Variants in IRAG2 observed in about 807,000 individuals in gnomAD.
IRAG2 encodes lymphoid restricted membrane protein.
IRAG2 carries 45 observed loss-of-function variants against 69.9 expected under a neutral mutation model. The ratio of observed to expected loss-of-function variants is 0.64; its 90% CI spans 0.51 to 0.83. IRAG2 has a LOEUF of 0.83. IRAG2 is among the 40% of genes least tolerant of loss of function. The pLI, the probability that IRAG2 is intolerant of heterozygous loss-of-function variation, is 0.00. For missense variants in IRAG2, 520 were observed against 587.0 expected (o/e 0.89, Z 1.18); for synonymous variants, 193 against 202.4 (o/e 0.95, Z 0.40).
intron 6 of IRAG2, among the ~76,000 whole-genome samples, chr12:25,077,220 A>AAT (rs10627418): frequency 0.27 from 9,717 of 36,486 alleles, 2,006 homozygotes; most frequent in East Asian, 0.39. Context: ...ATATATATGA[A>AAT]ATATATATGA....
intron 1 of IRAG2, among the ~76,000 whole-genome samples, chr12:25,053,159 C>A (rs1199395112): frequency 2.0e-5 from 3 of 151,828 alleles, no homozygotes; most frequent in East Asian, 3.9e-4. Context: ...CATTAACTTC[C>A]CTTTTTGCCT....
chr12:25,066,692 T>C (rs1233834186), intron 5 of IRAG2, among the ~76,000 whole-genome samples, 180 bp downstream of exon 5: 1 of 151,172 alleles, frequency 6.6e-6, no homozygotes, highest in African/African-American at 2.4e-5. Flanking sequence ...AGATGGAATC[T>C]CGCTCTCTTG....
At chr12:25,020,807 T>G in exon 7 of IRAG2, 1 of 1,231,576 alleles carries the variant, frequency 8.1e-7, no homozygotes, top group Middle Eastern at 3.1e-4. Flanking sequence ...CAGGCTATTA[T>G]GAGAACAAAT....
intron 6 of IRAG2, among the ~76,000 whole-genome samples, chr12:25,071,212 G>A (rs1179044107): frequency 6.6e-6 from 1 of 151,416 alleles, no homozygotes; most frequent in Non-Finnish European, 1.5e-5. Flanking sequence ...AAAATTAGGT[G>A]GCGGGCACCT....
At chr12:25,010,193 T>C (rs1351204147) in intron 2 of IRAG2, among the ~76,000 whole-genome samples, 2 of 152,182 alleles carry the variant, frequency 1.3e-5, no homozygotes, top group African/African-American at 2.4e-5. Flanking sequence ...AATGCAATTC[T>C]CTGCTGGGTA....
intron 6 of IRAG2, chr12:25,017,401 A>G (rs371453418): frequency 2.0e-6 from 2 of 1,004,528 alleles, no homozygotes; most frequent in African/African-American, 1.7e-5. Context: ...ATTCTCTTAA[A>G]GTATACAATT....
At chr12:25,019,663 G>A (rs1412209747) in intron 6 of IRAG2, among the ~76,000 whole-genome samples, 1 of 152,182 alleles carries the variant, frequency 6.6e-6, no homozygotes, top group Admixed American at 6.5e-5. Context: ...TGGGTCAAAA[G>A]GCAGCATTCA....
upstream of IRAG2, among the ~76,000 whole-genome samples, chr12:25,050,142 A>G (rs1944830982): frequency 6.6e-6 from 1 of 151,878 alleles, no homozygotes. Context: ...AACAAAAACA[A>G]AAAACAAATA....
intron 21 of IRAG2, among the ~76,000 whole-genome samples, chr12:25,107,500 T>C (rs929415105): frequency 6.6e-6 from 1 of 152,160 alleles, no homozygotes; most frequent in Non-Finnish European, 1.5e-5. Context: ...GCAAATAACA[T>C]TTTTGTTTCC....
intron 16 of IRAG2, among the ~76,000 whole-genome samples, chr12:25,040,798 A>G (rs762927827): frequency 2.6e-5 from 4 of 152,164 alleles, no homozygotes; most frequent in Non-Finnish European, 5.9e-5. Flanking sequence ...ATCCGTCAGG[A>G]TGTCCGCTCT....
At chr12:25,039,021 G>A (rs1944726172) in intron 16 of IRAG2, among the ~76,000 whole-genome samples, 1 of 152,052 alleles carries the variant, frequency 6.6e-6, no homozygotes, top group South Asian at 2.1e-4. Flanking sequence ...ATGATAATGG[G>A]GAAATTCTTG....
intron 6 of IRAG2, among the ~76,000 whole-genome samples, chr12:25,077,372 A>AATATATATATGATATATATATG (rs1565563652): frequency 1.5e-4 from 5 of 33,078 alleles, no homozygotes; most frequent in African/African-American, 6.3e-4. Flanking sequence ...ATATATATGA[A>AATATATATATGATATATATATG]ATATATATAT....
At chr12:25,051,832 C>A (rs1944880722), upstream of IRAG2, among the ~76,000 whole-genome samples, 1 of 152,172 alleles carries the variant, frequency 6.6e-6, no homozygotes, top group African/African-American at 2.4e-5. Flanking sequence ...CCTACCTTTA[C>A]CCCATTCCTT....
chr12:25,015,211 T>G, exon 4 of IRAG2: 27 of 1,024,974 alleles, frequency 2.6e-5, no homozygotes, highest in Non-Finnish European at 3.0e-5. Context: ...TTAAGCAGCA[T>G]CATCGATGAT....
At chr12:25,017,995 C>A (rs1944545083) in intron 6 of IRAG2, among the ~76,000 whole-genome samples, 1 of 152,062 alleles carries the variant, frequency 6.6e-6, no homozygotes, top group African/African-American at 2.4e-5. Flanking sequence ...TTTTAAGGTT[C>A]ATCCATGTTG....
At chr12:25,013,970 G>T (rs1013607966) in intron 3 of IRAG2, among the ~76,000 whole-genome samples, 4 of 144,954 alleles carry the variant, frequency 2.8e-5, no homozygotes, top group Non-Finnish European at 6.0e-5. Context: ...CGCCTCCAGG[G>T]TTCATGCCAT....
In IRAG2 at chr12:25,108,178, G is replaced by A. The variant is rs1949350175; in HGVS notation, c.*118G>A. 8.7e-7 allele frequency: 1 copy of A among 1,144,556 alleles called. No individual in the cohort carries two copies. The highest frequency in any genetic ancestry group is 1.5e-5 in the African/African-American group (1 of 64,690). 70.9% of individuals were successfully genotyped at this position (1,144,556 alleles called of 1,614,324 possible). A position where few individuals can be genotyped will look rare whatever the true frequency, so the allele number is the denominator to read the frequency against. On this transcript the variant is annotated 3_prime_UTR_variant, in exon 22 of 22. Transcript: ENST00000556887. ...GAAACCAGAGGTTCTCAGAATGACT[G>A]TAAGATAGCTTACATTTCCTCTTTT...
At position 25,030,256 on chromosome 12, in the gene IRAG2, C is replaced by G. The variant is rs141855783; in HGVS notation, c.1462-22C>G. 1,135 of 1,230,558 alleles carry G rather than the reference C, an allele frequency of 9.2e-4. 5 individuals are homozygous for G. In the African/African-American group the frequency reaches 0.016, roughly 17 times the overall value. 76.2% of individuals were successfully genotyped at this position (1,230,558 alleles called of 1,614,324 possible). On this transcript the variant is annotated intron_variant, in intron 9 of 38. Transcript: ENST00000636465. ...ACCAAAGCAATGTCCCAACGGCCTT[C>G]CCTAAATTCGTCTCTTTTCAGATGC... is the stretch of plus-strand genomic sequence containing the variant.
chr12:25,088,027 A>G, intron 10 of IRAG2, 73 bp from the exon 11 acceptor site: 1 of 1,103,958 alleles, frequency 9.1e-7, no homozygotes, highest in Non-Finnish European at 1.4e-6. Context: ...TTAGGAGAGG[A>G]CAGGAAGTAG....
Sources: gnomAD v4.1 joint callset for allele counts (sites outside exome capture counted in the v4.1 genomes callset) on GRCh38, gnomAD v4.1.1 for gene constraint, MANE v1.5 for transcripts, NCBI Gene and HGNC (gene_info 2026-07-23, HGNC 2026-07-21) for gene names.